TRPV2: variants seen among roughly 807,000 people sequenced by gnomAD.
The protein encoded by TRPV2 is OTRPC2.
In TRPV2, 58 loss-of-function variants were observed where a neutral mutation model predicts 91.0. The ratio of observed to expected loss-of-function variants is 0.64; its 90% CI spans 0.52 to 0.79. The LOEUF (loss-of-function observed/expected upper bound fraction) is 0.79, where lower values mean the gene tolerates loss of function less well. Among genes scored for constraint, TRPV2 ranks in the 30% least tolerant of loss-of-function variants. TRPV2 has a pLI of 0.00. For missense variants in TRPV2, 807 were observed against 969.6 expected (o/e 0.83, Z 2.23); for synonymous variants, 417 against 414.8 (o/e 1.01, Z -0.06).
chr17:16,417,473 A>T (rs1049561550), intron 1 of TRPV2, 89 bp from the exon 2 acceptor site: 1 of 546,780 alleles, frequency 1.8e-6, no homozygotes, highest in African/African-American at 1.9e-5. Context: ...CTAACAGCTG[A>T]CCAGCCAGCC....
At chr17:16,424,846 A>C (rs2142993093) in intron 5 of TRPV2, among the ~76,000 whole-genome samples, 1 of 150,578 alleles carries the variant, frequency 6.6e-6, no homozygotes, top group African/African-American at 2.4e-5. Flanking sequence ...CTTTTCCTTT[A>C]AGGTTCCATG....
intron 3 of TRPV2, 53 bp downstream of exon 3, chr17:16,420,301 G>C (rs2093350883): frequency 6.3e-7 from 1 of 1,575,240 alleles, no homozygotes; most frequent in Non-Finnish European, 8.7e-7. Flanking sequence ...CTGATAGTTA[G>C]GTGGGCTGTG....
At chr17:16,428,724 A>G (rs1369692599) in intron 9 of TRPV2, 93 bp from the exon 10 acceptor site, 3 of 1,457,498 alleles carry the variant, frequency 2.1e-6, no homozygotes, top group Non-Finnish European at 2.8e-6. Context: ...TGTCTTGCCT[A>G]AGATGGAGGT....
intron 9 of TRPV2, 194 bp downstream of exon 9, chr17:16,428,581 G>C (rs554858783): frequency 1.4e-5 from 10 of 715,686 alleles, no homozygotes; most frequent in Non-Finnish European, 2.3e-6. Context: ...CACTGTAGAT[G>C]GTGATAGTGA....
In TRPV2 at chr17:16,422,683, A is replaced by C; in HGVS notation, c.419A>C (p.Gln140Pro). Residue 140 changes from glutamine (Q) to proline (P), a missense_variant, in exon 4 of 15, where the codon CAG becomes CCG. Transcript: ENST00000338560. ...GVNACILPLL[Q>P]IDRDSGNPQP... ...AATGCCTGCATTCTGCCACTGCTGC[A>C]GATCGACAGGGACTCTGGCAATCCT... 1 of 1,613,046 alleles carries C rather than the reference A, an allele frequency of 6.2e-7. No individual in the cohort carries two copies. The highest frequency in any genetic ancestry group is 8.5e-7 in the Non-Finnish European group (1 of 1,179,446).
At chr17:16,427,615 A>T (rs2093389945) in intron 8 of TRPV2, 68 bp downstream of exon 8, 1 of 1,440,262 alleles carries the variant, frequency 6.9e-7, no homozygotes, top group African/African-American at 1.4e-5. Context: ...GCTTAGAGAA[A>T]GTTAGCTGCA....
At position 16,422,726 on chromosome 17, in the gene TRPV2, C is replaced by A; in HGVS notation, c.462C>A (p.Ala154=). 6.2e-7 allele frequency: 1 copy of A among 1,600,498 alleles called. No homozygotes were observed. Among genetic ancestry groups the A allele is most frequent in the Admixed American group, 1.7e-5 (1 of 58,024 alleles). Residue 154 remains alanine (A), a synonymous_variant, in exon 4 of 15, where the codon GCC becomes GCA. Coordinates refer to ENST00000338560, the MANE Select transcript of TRPV2 (RefSeq NM_016113.5). The stretch of plus-strand genomic sequence containing the variant: ...GCAATCCTCAGCCCCTGGTAAATGC[C>A]CAGTGCACAGATGACTATTACCGAG... ...DSGNPQPLVN[A]QCTDDYYRGH... is the part of the protein sequence containing the mutation.
chr17:16,417,101 C>T (rs1212818194), intron 1 of TRPV2, among the ~76,000 whole-genome samples: 1 of 151,858 alleles, frequency 6.6e-6, no homozygotes, highest in Non-Finnish European at 1.5e-5. Context: ...TGTTCCTCAC[C>T]CCACAGGCCT....
chr17:16,423,346 C>A, intron 4 of TRPV2, 123 bp from the exon 5 acceptor site: 3 of 1,149,592 alleles, frequency 2.6e-6, no homozygotes, highest in Non-Finnish European at 3.6e-6. Context: ...CTGTTCTGCT[C>A]CCTTCAGTGG....
intron 7 of TRPV2, 103 bp from the exon 8 acceptor site, chr17:16,427,346 C>T: frequency 8.9e-7 from 1 of 1,128,580 alleles, no homozygotes. Context: ...TGAGGAGCCT[C>T]TCCACAGCTC....
At chr17:16,422,001 T>C (rs1050903912) in intron 3 of TRPV2, among the ~76,000 whole-genome samples, 12 of 152,048 alleles carry the variant, frequency 7.9e-5, no homozygotes, top group African/African-American at 2.7e-4. Flanking sequence ...TGATGACTTA[T>C]GTCTTAGAAA....
At chr17:16,433,518 C>T in intron 12 of TRPV2, 56 bp from the exon 13 acceptor site, 1 of 1,598,622 alleles carries the variant, frequency 6.3e-7, no homozygotes, top group Non-Finnish European at 8.5e-7. Flanking sequence ...CCTTGTGTGC[C>T]TTTGCCCCCA....
At position 16,426,892 on chromosome 17, in the gene TRPV2, T is replaced by A; in HGVS notation, c.1251+15T>A. On this transcript the variant is annotated intron_variant, in intron 7 of 14. Coordinates refer to ENST00000338560, the MANE Select transcript of TRPV2 (RefSeq NM_016113.5). The surrounding 1 kb of genome is among the most constrained non-coding windows in gnomAD (Gnocchi z 6.0). ...CCCTGAAGAAGGCAAGGGCGTGAGG[T>A]TTGGGGGGGCACATCTTGGGGGAGG... is the stretch of plus-strand genomic sequence containing the variant. 1 of 1,573,488 alleles carries A rather than the reference T, an allele frequency of 6.4e-7. No homozygotes were observed. The highest frequency in any genetic ancestry group is 1.1e-5 in the South Asian group (1 of 89,844).
intron 5 of TRPV2, 53 bp downstream of exon 5, chr17:16,423,820 T>C (rs2142992438): frequency 6.8e-7 from 1 of 1,481,020 alleles, no homozygotes; most frequent in Non-Finnish European, 8.9e-7. Flanking sequence ...GTAGGTCTCA[T>C]CCCAAAATTT....
chr17:16,434,162 C>T (rs2093425212), intron 13 of TRPV2, among the ~76,000 whole-genome samples: 1 of 152,126 alleles, frequency 6.6e-6, no homozygotes, highest in Admixed American at 6.5e-5. Context: ...TAGTGACAAA[C>T]ACACAGCTAA....
chr17:16,418,002 G>A (rs1450179153), intron 2 of TRPV2, 134 bp downstream of exon 2: 1 of 882,574 alleles, frequency 1.1e-6, no homozygotes, highest in Non-Finnish European at 1.7e-6. Flanking sequence ...GTCTGGCCCT[G>A]GTGGCTCCTG....
intron 3 of TRPV2, among the ~76,000 whole-genome samples, chr17:16,422,322 CA>C (rs5819570): frequency 0.41 from 38,245 of 92,362 alleles, 3,681 homozygotes; most frequent in African/African-American, 0.5. Flanking sequence ...GACTCTGTCT[CA>C]AAAAAAAAAA....
At position 16,426,851 on chromosome 17, in the gene TRPV2, G is replaced by A; in HGVS notation, c.1225G>A (p.Ala409Thr). 1 of 1,613,394 alleles carries A rather than the reference G, an allele frequency of 6.2e-7. No individual in the cohort carries two copies. Among genetic ancestry groups the A allele is most frequent in the Non-Finnish European group, 8.5e-7 (1 of 1,179,790 alleles). Residue 409 changes from alanine (A) to threonine (T), a missense_variant, in exon 7 of 15, where the codon GCC becomes ACC. Coordinates refer to ENST00000338560, the MANE Select transcript of TRPV2 (RefSeq NM_016113.5). This position sits in a 1 kb window ranked among gnomAD's most constrained non-coding sequence, Gnocchi z 6.0. ...CTACATGTTCATCTTCACCGCTGTT[G>A]CCTACCATCAGCCTACCCTGAAGAA... ...LIYMFIFTAVAYHQPTLKKQA... is the reference protein window; with the variant it reads ...LIYMFIFTAVTYHQPTLKKQA...
At chr17:16,433,757 C>G in intron 13 of TRPV2, 59 bp downstream of exon 13, 1 of 1,594,910 alleles carries the variant, frequency 6.3e-7, no homozygotes, top group Non-Finnish European at 8.5e-7. Context: ...CCCTGGGGCC[C>G]CCCTGCAGTG....
Sources: allele counts gnomAD v4.1 joint callset (sites outside exome capture counted in the v4.1 genomes callset), GRCh38; gene constraint gnomAD v4.1.1; non-coding constraint Gnocchi (gnomAD v3.1); transcripts MANE v1.5; gene names NCBI Gene and HGNC (gene_info 2026-07-23, HGNC 2026-07-21).